Variants in NECAB1 observed in about 807,000 individuals in gnomAD.
NECAB1 encodes the protein N-terminal EF-hand calcium-binding protein 1.
NECAB1 carries 29 observed loss-of-function variants against 57.5 expected under a neutral mutation model. The observed-to-expected ratio is 0.50, with a 90% CI of 0.38 to 0.69. The LOEUF is 0.69. NECAB1 is among the 30% of genes least tolerant of loss of function. The pLI, the probability that NECAB1 is intolerant of heterozygous loss-of-function variation, is 0.00. For synonymous variants in NECAB1, 142 were observed against 147.7 expected, an observed-to-expected ratio of 0.96 and a Z score of 0.28; for missense variants, 372 against 413.8, an observed-to-expected ratio of 0.90 and a Z score of 0.88.
rs1811041644 is a variant in NECAB1 at position 90,956,872 on chromosome 8, A to C, written c.*1360A>C. Reference sequence around the variant, plus strand: ...TACTCTCAGTTCTCATTCAGTATAAATAAAATTTTAAAATCCTTTCATAGT... The same window carrying C: ...TACTCTCAGTTCTCATTCAGTATAACTAAAATTTTAAAATCCTTTCATAGT... On this transcript the variant is annotated 3_prime_UTR_variant, in exon 13 of 13. Transcript: ENST00000417640. The C allele has an allele frequency of 6.6e-6, 1 of 152,356 alleles. No individual in the cohort carries two copies. The highest frequency in any genetic ancestry group is 6.6e-5 in the Admixed American group (1 of 15,204). 9.4% of individuals were successfully genotyped at this position (152,356 alleles called of 1,614,324 possible).
intron 3 of NECAB1, among the ~76,000 whole-genome samples, chr8:90,832,279 CCTT>C (rs1812309178): frequency 6.6e-6 from 1 of 152,192 alleles, no homozygotes; most frequent in Non-Finnish European, 1.5e-5. Context: ...ACTACCATCT[CCTT>C]CTAAATCAGG....
At chr8:90,926,896 A>G (rs888797731) in intron 7 of NECAB1, among the ~76,000 whole-genome samples, 1 of 152,206 alleles carries the variant, frequency 6.6e-6, no homozygotes, top group Non-Finnish European at 1.5e-5. Flanking sequence ...GTTGTGGTGC[A>G]AGGGTATATA....
intron 2 of NECAB1, among the ~76,000 whole-genome samples, chr8:90,819,001 T>C (rs1812101377): frequency 6.6e-6 from 1 of 151,946 alleles, no homozygotes; most frequent in Non-Finnish European, 1.5e-5. Flanking sequence ...TAGATTAAAA[T>C]TGTCACAGGG....
intron 10 of NECAB1, among the ~76,000 whole-genome samples, chr8:90,941,161 C>CA (rs2130239720): frequency 6.6e-6 from 1 of 152,282 alleles, no homozygotes; most frequent in South Asian, 2.1e-4. Context: ...TGAAATAGAA[C>CA]AACTTGAATG....
chr8:90,875,209 C>T (rs1017912913), intron 4 of NECAB1, among the ~76,000 whole-genome samples: 5 of 152,034 alleles, frequency 3.3e-5, no homozygotes, highest in South Asian at 2.1e-4. Context: ...AGGCCGGGCG[C>T]GGTGGCTCAC....
chr8:90,799,620 G>C (rs1355699478), intron 1 of NECAB1, among the ~76,000 whole-genome samples: 1 of 152,112 alleles, frequency 6.6e-6, no homozygotes, highest in Non-Finnish European at 1.5e-5. Context: ...CTGGCTGTAA[G>C]TGTACAGCTT....
At chr8:90,839,397 G>T (rs1274740794) in intron 3 of NECAB1, among the ~76,000 whole-genome samples, 1 of 152,160 alleles carries the variant, frequency 6.6e-6, no homozygotes, top group Non-Finnish European at 1.5e-5. Context: ...GGAGTTCCTG[G>T]TGTTCTCCAT....
intron 11 of NECAB1, 41 bp downstream of exon 11, chr8:90,949,925 G>C (rs777466663): frequency 8.0e-7 from 1 of 1,250,512 alleles, no homozygotes; most frequent in Admixed American, 1.9e-5. Flanking sequence ...AAGCCAGGAA[G>C]GTGGCAATAT....
chr8:90,950,375 CGTT>C (rs1337639911), intron 11 of NECAB1, among the ~76,000 whole-genome samples: 1 of 151,816 alleles, frequency 6.6e-6, no homozygotes, highest in Non-Finnish European at 1.5e-5. Flanking sequence ...AAATTCAAGA[CGTT>C]GTCAAAAATT....
At chr8:90,935,261 T>A (rs1333391488) in intron 9 of NECAB1, among the ~76,000 whole-genome samples, 3 of 152,224 alleles carry the variant, frequency 2.0e-5, no homozygotes, top group African/African-American at 7.2e-5. Context: ...CTCCTGCCCA[T>A]CTGTCCAAAC....
chr8:90,811,037 T>A (rs561344296), intron 2 of NECAB1, among the ~76,000 whole-genome samples: 1 of 151,710 alleles, frequency 6.6e-6, no homozygotes, highest in Non-Finnish European at 1.5e-5. Flanking sequence ...AACCTCCACC[T>A]CCCAGGTTCA....
At chr8:90,809,068 C>T (rs1045938021) in intron 2 of NECAB1, among the ~76,000 whole-genome samples, 8 of 152,346 alleles carry the variant, frequency 5.3e-5, no homozygotes, top group African/African-American at 1.4e-4. Context: ...TCCAGAGCTG[C>T]ACTAGTGTTT....
chr8:90,796,933 C>G (rs890328808), intron 1 of NECAB1, among the ~76,000 whole-genome samples: 3 of 152,182 alleles, frequency 2.0e-5, no homozygotes, highest in African/African-American at 7.2e-5. Flanking sequence ...ATGAAATGAA[C>G]AGAAGTCCTG....
intron 12 of NECAB1, among the ~76,000 whole-genome samples, chr8:90,954,741 T>G (rs1810987500): frequency 1.3e-5 from 2 of 150,984 alleles, no homozygotes; most frequent in Admixed American, 1.3e-4. Context: ...ATCCTATGTG[T>G]ATAAATATAT....
At chr8:90,916,479 C>T (rs376800060) in intron 5 of NECAB1, among the ~76,000 whole-genome samples, 1 of 152,088 alleles carries the variant, frequency 6.6e-6, no homozygotes, top group Admixed American at 6.6e-5. Context: ...TATCAGGATC[C>T]GTGGTATTGT....
chr8:90,894,105 G>C (rs1018973640), intron 5 of NECAB1, among the ~76,000 whole-genome samples: 12 of 152,040 alleles, frequency 7.9e-5, no homozygotes, highest in African/African-American at 2.7e-4. Flanking sequence ...GCAAGGAGGA[G>C]AAATAGACAC....
At chr8:90,796,327 T>A (rs1811660710) in intron 1 of NECAB1, among the ~76,000 whole-genome samples, 2 of 152,198 alleles carry the variant, frequency 1.3e-5, no homozygotes, top group Admixed American at 1.3e-4. Flanking sequence ...GTGGTGGGAC[T>A]CCATGTTCTG....
chr8:90,900,634 A>G (rs1034024552), intron 5 of NECAB1, among the ~76,000 whole-genome samples: 1 of 152,302 alleles, frequency 6.6e-6, no homozygotes, highest in East Asian at 1.9e-4. Flanking sequence ...TGTTAACACA[A>G]TGCCTCTTGG....
At chr8:90,812,275 C>G (rs547502618) in intron 2 of NECAB1, among the ~76,000 whole-genome samples, 1 of 152,274 alleles carries the variant, frequency 6.6e-6, no homozygotes, top group East Asian at 1.9e-4. Flanking sequence ...CTTCACGTTG[C>G]TAATTTTGAA....
Sources: gnomAD v4.1 joint callset for allele counts (sites outside exome capture counted in the v4.1 genomes callset) on GRCh38, gnomAD v4.1.1 for gene constraint, MANE v1.5 for transcripts, NCBI Gene and HGNC (gene_info 2026-07-23, HGNC 2026-07-21) for gene names.